Variants in AASDH observed in about 807,000 individuals in gnomAD.
AASDH encodes the protein beta-alanine-activating enzyme.
Under a neutral mutation model 102.3 loss-of-function variants are expected in AASDH, and 81 were observed. That is an observed-to-expected ratio of 0.79 (90% CI 0.66 to 0.95). AASDH has a LOEUF of 0.95. AASDH is among the 40% of genes least tolerant of loss of function. The pLI is 0.00. For missense variants in AASDH, 1,203 were observed against 1,266.2 expected (o/e 0.95, Z 0.76); for synonymous variants, 398 against 454.0 (o/e 0.88, Z 1.57).
In AASDH at chr4:56,383,988, G is replaced by C; in HGVS notation, c.230+82C>G. The stretch of plus-strand genomic sequence containing the variant: ...ATATAGAAAAGTCCAATAGTAAACA[G>C]AACAATAACTTGCAATATACTCTAT... On this transcript the variant is annotated intron_variant, in intron 2 of 14. Transcript: ENST00000205214. The C allele has an allele frequency of 2.5e-6, 3 of 1,222,024 alleles. No individual in the cohort carries two copies. The South Asian group carries it at 4.1e-5, about 17-fold the overall frequency. 75.7% of individuals were successfully genotyped at this position (1,222,024 alleles called of 1,614,324 possible).
At chr4:56,371,357 C>G in intron 5 of AASDH, 94 bp downstream of exon 5, 1 of 1,265,566 alleles carries the variant, frequency 7.9e-7, no homozygotes, top group Non-Finnish European at 1.1e-6. Flanking sequence ...TATATTAATC[C>G]ATTGTAAAGA....
At chr4:56,347,688 G>A (rs1406225263) in intron 11 of AASDH, among the ~76,000 whole-genome samples, 3 of 152,066 alleles carry the variant, frequency 2.0e-5, no homozygotes, top group Non-Finnish European at 2.9e-5. Flanking sequence ...GATCGCTTGA[G>A]CCCGGGAGTT....
chr4:56,338,995 A>AAAT (rs1747280530), intron 14 of AASDH, among the ~76,000 whole-genome samples: 1 of 152,110 alleles, frequency 6.6e-6, no homozygotes, highest in African/African-American at 2.4e-5. Flanking sequence ...ATCTAAGACA[A>AAAT]AATATACTGG....
chr4:56,338,859 A>G (rs1017561472), intron 14 of AASDH, 68 bp from the exon 15 acceptor site: 11 of 1,444,814 alleles, frequency 7.6e-6, no homozygotes, highest in Admixed American at 4.1e-5. Context: ...TTAAAGCTCT[A>G]TGAGGTTCTT....
chr4:56,353,625 A>G (rs1297744180), intron 8 of AASDH, 29 bp from the exon 9 acceptor site: 5 of 1,548,378 alleles, frequency 3.2e-6, no homozygotes, highest in Non-Finnish European at 4.3e-6. Flanking sequence ...TAATTTGCCA[A>G]TGAGGATATT....
At chr4:56,366,882 A>T (rs2109953392) in intron 5 of AASDH, among the ~76,000 whole-genome samples, 1 of 151,442 alleles carries the variant, frequency 6.6e-6, no homozygotes, top group East Asian at 1.9e-4. Flanking sequence ...GCAATTAGGC[A>T]GGAGAAGGAA....
chr4:56,374,491 T>G (rs559047855), intron 4 of AASDH, among the ~76,000 whole-genome samples: 98 of 152,170 alleles, frequency 6.4e-4, no homozygotes, highest in African/African-American at 2.1e-3. Flanking sequence ...AAACTTCTTC[T>G]TCAGAGTGGT....
Position 56,384,097 on chromosome 4 carries a change from C to T in AASDH, c.203G>A (p.Gly68Glu), listed in dbSNP as rs376332036. 1 of 1,613,932 alleles carries T rather than the reference C, an allele frequency of 6.2e-7. No homozygotes were observed. ...IREIGLYCQP[G>E]IDLPSWILGI... is the part of the protein sequence containing the mutation. ...TAAAATCCAAGAGGGTAAGTCTATC[C>T]CAGGTTGGCAGTAGAGACCAATTTC... The change falls in exon 2 of 15, where the codon GGG (glycine) becomes GAG (glutamate). Residue 68 changes from glycine to glutamate, a missense_variant. Coordinates refer to ENST00000205214, the MANE Select transcript of AASDH (RefSeq NM_181806.4).
At position 56,351,508 on chromosome 4, in the gene AASDH, C is replaced by T. The variant is rs757887457; in HGVS notation, c.1577-51G>A. 22 of 1,060,862 alleles carry T rather than the reference C, an allele frequency of 2.1e-5. 1 individual carries two copies. In the South Asian group the frequency reaches 2.9e-4, roughly 14 times the overall value. The allele number at this position is 1,060,862 out of a possible 1,614,324, so 65.7% of individuals were successfully genotyped here. On this transcript the variant is annotated intron_variant, in intron 9 of 14. Coordinates refer to ENST00000205214, the MANE Select transcript of AASDH (RefSeq NM_181806.4). ...TGTTTTAAAACATTTTAAAATTTCA[C>T]TCAAAGCCTTTATATATTCATTAGC...
intron 14 of AASDH, among the ~76,000 whole-genome samples, chr4:56,339,085 CAG>C (rs1747296208): frequency 6.6e-6 from 1 of 152,108 alleles, no homozygotes; most frequent in African/African-American, 2.4e-5. Flanking sequence ...TAGTATTATT[CAG>C]AGACACTGAG....
chr4:56,363,092 G>A (rs948813085), intron 5 of AASDH, among the ~76,000 whole-genome samples: 26 of 152,324 alleles, frequency 1.7e-4, no homozygotes, highest in African/African-American at 4.3e-4. Context: ...CACCTGGCTC[G>A]GAGGGTCCTA....
In AASDH at chr4:56,353,462, TGG is replaced by T. The variant is rs1749227927; in HGVS notation, c.1516_1517del (p.Pro506LysfsTer7). ...CAAGCTCATCCGGGACTGCATGACT[TGG>T]AAGATATTTCTGCAGTTCTTTAAAG... ...YIFKELQKYL[P>X]SHAVPDELVL... On this transcript the variant is annotated frameshift_variant, in exon 9 of 15. Transcript: ENST00000205214. LOFTEE classifies it high-confidence loss of function. The T allele has an allele frequency of 6.2e-7, 1 of 1,613,966 alleles. No individual in the cohort carries two copies. Among genetic ancestry groups the T allele is most frequent in the South Asian group, 1.1e-5 (1 of 91,068 alleles).
At chr4:56,376,927 C>T (rs1471682683) in intron 4 of AASDH, among the ~76,000 whole-genome samples, 1 of 150,458 alleles carries the variant, frequency 6.6e-6, no homozygotes, top group Non-Finnish European at 1.5e-5. Flanking sequence ...ATTAGCCGGG[C>T]GTAGTGGCGG....
intron 11 of AASDH, among the ~76,000 whole-genome samples, chr4:56,347,794 G>C (rs1748491228): frequency 6.6e-6 from 1 of 152,036 alleles, no homozygotes; most frequent in Non-Finnish European, 1.5e-5. Flanking sequence ...TGCACCAATT[G>C]ATTCATAAAC....
chr4:56,351,927 A>G (rs1749063258), intron 9 of AASDH, among the ~76,000 whole-genome samples: 1 of 151,822 alleles, frequency 6.6e-6, no homozygotes, highest in African/African-American at 2.4e-5. Flanking sequence ...CAAAAAAAAA[A>G]AAAAAAGAAA....
chr4:56,362,087 C>T (rs1750365995), intron 5 of AASDH, among the ~76,000 whole-genome samples: 1 of 152,112 alleles, frequency 6.6e-6, no homozygotes, highest in African/African-American at 2.4e-5. Flanking sequence ...AAAAATCAAT[C>T]CTTTATTTCC....
rs541907752 is a variant in AASDH, at chr4:56,357,886, A to G, written c.862-2463T>C. On this transcript the variant is annotated intron_variant, in intron 5 of 14. Transcript: ENST00000205214. ...TCAACTTATTCATTTCTAACAAAAA[A>G]GCCTACTGGATTTTGCTGGGAAGTG... 1.1e-3 allele frequency among the ~76,000 whole-genome samples: 161 copies of G among 151,774 alleles called. 1 individual carries two copies. Among genetic ancestry groups the G allele is most frequent in the African/African-American group, 3.8e-3 (156 of 41,510 alleles).
At chr4:56,348,722 C>G (rs1006424890) in intron 11 of AASDH, among the ~76,000 whole-genome samples, 1 of 152,082 alleles carries the variant, frequency 6.6e-6, no homozygotes, top group South Asian at 2.1e-4. Flanking sequence ...TAGAGAGAGG[C>G]GTATGTGGCA....
intron 5 of AASDH, among the ~76,000 whole-genome samples, chr4:56,359,865 C>G (rs1750100362): frequency 6.6e-6 from 1 of 152,086 alleles, no homozygotes; most frequent in Non-Finnish European, 1.5e-5. Flanking sequence ...CCGATGTTCT[C>G]CTTTTTAAGT....
Sources: allele counts gnomAD v4.1 joint callset (sites outside exome capture counted in the v4.1 genomes callset), GRCh38; gene constraint gnomAD v4.1.1; transcripts MANE v1.5; gene names NCBI Gene and HGNC (gene_info 2026-07-23, HGNC 2026-07-21).